SMAP1: variants seen among roughly 807,000 people sequenced by gnomAD.
SMAP1 encodes small ArfGAP 1, also known as stromal membrane-associated protein 1.
SMAP1 carries 24 observed loss-of-function variants against 58.5 expected under a neutral mutation model. The ratio of observed to expected loss-of-function variants is 0.41; its 90% CI spans 0.30 to 0.58. The LOEUF (loss-of-function observed/expected upper bound fraction) is 0.58. Ranked by LOEUF, SMAP1 falls within the 20% of genes least tolerant of loss-of-function variation. The probability of loss-of-function intolerance (pLI) is 0.29; values close to 1 mark genes in which losing one functional copy is unlikely to be tolerated. For missense variants in SMAP1, 563 were observed against 566.3 expected (o/e 0.99, Z 0.06); for synonymous variants, 216 against 196.6 (o/e 1.10, Z -0.82).
At chr6:70,756,252 T>C (rs1242956528) in intron 3 of SMAP1, among the ~76,000 whole-genome samples, 1 of 152,114 alleles carries the variant, frequency 6.6e-6, no homozygotes, top group African/African-American at 2.4e-5. Flanking sequence ...AATTATATTG[T>C]ACCCATTTGT....
chr6:70,668,644 C>T (rs1238125875), intron 1 of SMAP1: 1 of 1,535,760 alleles, frequency 6.5e-7, no homozygotes, highest in Admixed American at 2.0e-5. Flanking sequence ...GCCCTACCTG[C>T]CTGCCCACCT....
chr6:70,855,050 TCATATA>T (rs369822474), intron 8 of SMAP1, among the ~76,000 whole-genome samples: 5,262 of 124,382 alleles, frequency 0.042, 113 homozygotes, highest in African/African-American at 0.059. Context: ...TCCTGTTCTT[TCATATA>T]CATATACATA....
chr6:70,761,811 A>C (rs2149897522), intron 3 of SMAP1, among the ~76,000 whole-genome samples: 1 of 152,220 alleles, frequency 6.6e-6, no homozygotes, highest in South Asian at 2.1e-4. Context: ...AGGTGATGAA[A>C]CCGAGGCACC....
intron 2 of SMAP1, among the ~76,000 whole-genome samples, chr6:70,736,490 A>G (rs1019330974): frequency 3.9e-5 from 6 of 152,188 alleles, no homozygotes; most frequent in African/African-American, 1.4e-4. Context: ...ATCCCTGTAT[A>G]TGCCATATGG....
At chr6:70,787,138 T>G (rs1768081513) in intron 4 of SMAP1, among the ~76,000 whole-genome samples, 4 of 152,018 alleles carry the variant, frequency 2.6e-5, no homozygotes, top group Non-Finnish European at 4.4e-5. Flanking sequence ...GCCTCAGAAA[T>G]AATGCCGCAT....
chr6:70,679,911 G>C (rs191827685), intron 1 of SMAP1, among the ~76,000 whole-genome samples: 25 of 152,202 alleles, frequency 1.6e-4, no homozygotes, highest in South Asian at 6.2e-4. Context: ...AAATGCAAGG[G>C]ACCTTCCAAA....
intron 6 of SMAP1, among the ~76,000 whole-genome samples, chr6:70,808,658 T>G (rs144102869): frequency 3.6e-4 from 55 of 152,310 alleles, no homozygotes; most frequent in African/African-American, 1.3e-3. Context: ...TTAGAATTGC[T>G]TGTTTCGCCT....
At chr6:70,702,513 C>T (rs565952836) in intron 1 of SMAP1, among the ~76,000 whole-genome samples, 1 of 152,000 alleles carries the variant, frequency 6.6e-6, no homozygotes, top group African/African-American at 2.4e-5. Flanking sequence ...TAGTTCTTAT[C>T]CCAGTCATTA....
At chr6:70,824,983 C>G (rs1340742940) in intron 6 of SMAP1, among the ~76,000 whole-genome samples, 1 of 152,134 alleles carries the variant, frequency 6.6e-6, no homozygotes, top group Admixed American at 6.5e-5. Flanking sequence ...TGGTCTCTTG[C>G]GGCTGTCAGT....
At chr6:70,814,755 A>G (rs1309766361) in intron 6 of SMAP1, among the ~76,000 whole-genome samples, 2 of 152,150 alleles carry the variant, frequency 1.3e-5, no homozygotes, top group African/African-American at 4.8e-5. Context: ...GAAAAAAGCA[A>G]TCTTAAGAAG....
chr6:70,801,849 CTTCTG>C lies in SMAP1; in HGVS notation c.576+3121_576+3125del, dbSNP rs1768869891. On this transcript the variant is annotated intron_variant, in intron 6 of 10. Coordinates refer to ENST00000370455, the MANE Select transcript of SMAP1 (RefSeq NM_001044305.3). ...TAGATGTGTGGTGTTATTTCTGAGGCTTCTGTTCTGTTCCATTGGTCTATCTCTCT... is the reference window on the plus strand; with the variant it reads ...TAGATGTGTGGTGTTATTTCTGAGGCTTCTGTTCCATTGGTCTATCTCTCT... Among the ~76,000 whole-genome samples, 3 of 152,238 alleles carry C rather than the reference CTTCTG, an allele frequency of 2.0e-5. No homozygotes were observed. In the South Asian group the frequency reaches 6.2e-4, roughly 32 times the overall value.
At chr6:70,795,151 C>T (rs1317924063) in intron 5 of SMAP1, among the ~76,000 whole-genome samples, 1 of 152,128 alleles carries the variant, frequency 6.6e-6, no homozygotes, top group Non-Finnish European at 1.5e-5. Flanking sequence ...TGTATTTTTA[C>T]AGCTGAATTC....
Position 70,852,770 on chromosome 6 carries a change from A to C in SMAP1, c.789+106A>C, listed in dbSNP as rs149160422. ...TTGTTTCTGAGCAGTAACTGATTTA[A>C]AAGTCTCCTGTTCTTTAGGCTAGAG... On this transcript the variant is annotated intron_variant, in intron 8 of 10. Coordinates refer to ENST00000370455, the MANE Select transcript of SMAP1 (RefSeq NM_001044305.3). 6.2e-4 allele frequency: 803 copies of C among 1,285,794 alleles called. 4 individuals carry two copies. The African/African-American group carries it at 0.01, about 16-fold the overall frequency. The allele number at this position is 1,285,794 out of a possible 1,614,324, so 79.6% of individuals were successfully genotyped here. A position where few individuals can be genotyped will look rare whatever the true frequency, so the allele number is the denominator to read the frequency against.
intron 3 of SMAP1, among the ~76,000 whole-genome samples, chr6:70,766,509 T>C (rs1766992936): frequency 6.6e-6 from 1 of 152,142 alleles, no homozygotes. Flanking sequence ...ATGGTGAGCA[T>C]TTTTTCGTGT....
chr6:70,840,952 G>T (rs1314673850), intron 7 of SMAP1, among the ~76,000 whole-genome samples: 1 of 152,152 alleles, frequency 6.6e-6, no homozygotes, highest in Admixed American at 6.5e-5. Flanking sequence ...TGCTCTTCGG[G>T]TCCCCTTACT....
At chr6:70,752,996 A>G (rs1452160887) in intron 2 of SMAP1, among the ~76,000 whole-genome samples, 2 of 152,188 alleles carry the variant, frequency 1.3e-5, no homozygotes, top group Non-Finnish European at 2.9e-5. Context: ...TAACATCACT[A>G]GAACAGTGTT....
intron 6 of SMAP1, among the ~76,000 whole-genome samples, chr6:70,812,861 T>C (rs189590419): frequency 7.8e-4 from 119 of 152,296 alleles, no homozygotes; most frequent in Admixed American, 1.4e-3. Flanking sequence ...GATTTAATTC[T>C]ATACTCGTGC....
rs181905935 is a variant in SMAP1, at chr6:70,731,696, G to A, written c.119-682G>A. Among the ~76,000 whole-genome samples the A allele has an allele frequency of 2.0e-4, 31 of 152,266 alleles. No homozygotes were observed. In the East Asian group the frequency reaches 5.2e-3, roughly 26 times the overall value. Reference sequence around the variant, plus strand: ...ATATTCATCTGTGACCTTTTTTAATGTCAGTGTTATATTTGAGATTTAGCC... The same window carrying A: ...ATATTCATCTGTGACCTTTTTTAATATCAGTGTTATATTTGAGATTTAGCC... On this transcript the variant is annotated intron_variant, in intron 1 of 10. Coordinates refer to ENST00000370455, the MANE Select transcript of SMAP1 (RefSeq NM_001044305.3).
chr6:70,802,388 C>T (rs1184161507), intron 6 of SMAP1, among the ~76,000 whole-genome samples: 2 of 152,144 alleles, frequency 1.3e-5, no homozygotes, highest in African/African-American at 4.8e-5. Context: ...AGTTGCTTAT[C>T]AGCTTAAGGA....
Sources: gnomAD v4.1 joint callset for allele counts (sites outside exome capture counted in the v4.1 genomes callset) on GRCh38, gnomAD v4.1.1 for gene constraint, MANE v1.5 for transcripts, NCBI Gene and HGNC (gene_info 2026-07-23, HGNC 2026-07-21) for gene names.